The following RIC3 variants were observed in gnomAD, a reference collection of about 807,000 sequenced individuals.
RIC3 encodes protein RIC-3.
In RIC3, 28 loss-of-function variants were observed where a neutral mutation model predicts 27.3. The ratio of observed to expected loss-of-function variants is 1.02; its 90% CI spans 0.76 to 1.41. The LOEUF (loss-of-function observed/expected upper bound fraction) is 1.41. Among genes scored for constraint, RIC3 ranks in the 40% most tolerant of loss-of-function variants. RIC3 has a pLI of 0.00. For synonymous variants in RIC3, 184 were observed against 160.4 expected (o/e 1.15, Z -1.11); for missense variants, 501 against 444.7 (o/e 1.13, Z -1.14).
intron 4 of RIC3, among the ~76,000 whole-genome samples, chr11:8,134,852 T>C (rs549477823): frequency 6.6e-5 from 10 of 152,330 alleles, no homozygotes; most frequent in Admixed American, 6.5e-4. Context: ...TGTTTTTTTC[T>C]TGTAAATTTG....
chr11:8,096,576 TG>T, the RIC3 span: 3 of 760,894 alleles, frequency 3.9e-6, no homozygotes, highest in Non-Finnish European at 7.1e-6. Flanking sequence ...CATAAGTTTG[TG>T]GGGGTACAGG....
downstream of RIC3, chr11:8,105,751 TAAGA>T (rs780391469): frequency 9.2e-5 from 14 of 152,304 alleles, no homozygotes; most frequent in South Asian, 6.2e-4. Flanking sequence ...TTTTCTTTCC[TAAGA>T]AAGACATCAC....
At chr11:8,096,042 G>A in the RIC3 span, among the ~76,000 whole-genome samples, 2 of 152,236 alleles carry the variant, frequency 1.3e-5, no homozygotes, top group African/African-American at 4.8e-5. Flanking sequence ...CCCTGGTGCA[G>A]GGTGGCAGAG....
intron 1 of RIC3, among the ~76,000 whole-genome samples, chr11:8,154,414 G>A (rs1457347615): frequency 6.6e-6 from 1 of 152,190 alleles, no homozygotes; most frequent in African/African-American, 2.4e-5. Flanking sequence ...GCACAACAGT[G>A]TGAATGTACT....
downstream of RIC3, chr11:8,104,934 T>TG (rs973271866): frequency 6.6e-6 from 1 of 151,664 alleles, no homozygotes; most frequent in Non-Finnish European, 1.5e-5. Flanking sequence ...AAGGTTGTTT[T>TG]TTTTTTTTTT....
At chr11:8,165,406 T>C (rs771381950) in intron 1 of RIC3, among the ~76,000 whole-genome samples, 1 of 140,248 alleles carries the variant, frequency 7.1e-6, no homozygotes, top group Non-Finnish European at 1.5e-5. Flanking sequence ...GAAAACATTA[T>C]GCTAGTTAAA....
downstream of RIC3, chr11:8,101,664 T>TTGCC (rs781434649): frequency 1.7e-5 from 27 of 1,604,894 alleles, no homozygotes; most frequent in Admixed American, 1.0e-4. Context: ...GGAGCGGAGC[T>TTGCC]TGCCTGCCTG....
rs1015492288 is a variant in RIC3 at position 8,137,276 on chromosome 11, G to A, written c.521+102C>T. ...TGACCTCAGATGATCCACCCACCTCGGCCTCCCAAAGTGCTGGGATTAGAG... is the reference window on the plus strand; with the variant it reads ...TGACCTCAGATGATCCACCCACCTCAGCCTCCCAAAGTGCTGGGATTAGAG... On this transcript the variant is annotated intron_variant, in intron 4 of 5. Coordinates refer to ENST00000309737, the MANE Select transcript of RIC3 (RefSeq NM_001206671.4). The A allele has an allele frequency of 4.2e-5, 39 of 922,360 alleles. No homozygotes were observed. The Admixed American group carries it at 5.3e-4, about 12-fold the overall frequency. The allele number at this position is 922,360 out of a possible 1,614,324, so 57.1% of individuals were successfully genotyped here.
rs965922107 is a variant in RIC3 at position 8,110,609 on chromosome 11, A to G, written c.*89T>C. Reference sequence around the variant, plus strand: ...GCTATGACACTTGAACACAGTGAAGAAAGTGCAGGGCACAGGGCCAAGAAG... The same window carrying G: ...GCTATGACACTTGAACACAGTGAAGGAAGTGCAGGGCACAGGGCCAAGAAG... On this transcript the variant is annotated 3_prime_UTR_variant, in exon 6 of 6. Coordinates refer to ENST00000309737, the MANE Select transcript of RIC3 (RefSeq NM_001206671.4). The G allele has an allele frequency of 6.1e-6, 7 of 1,154,692 alleles. No individual in the cohort carries two copies. The Admixed American group carries it at 8.4e-5, about 14-fold the overall frequency. The allele number at this position is 1,154,692 out of a possible 1,614,324, so 71.5% of individuals were successfully genotyped here.
intron 4 of RIC3, among the ~76,000 whole-genome samples, chr11:8,128,669 C>A: frequency 6.6e-6 from 1 of 151,874 alleles, no homozygotes; most frequent in Admixed American, 6.6e-5. Context: ...GATTGATCCC[C>A]ATTTCCTCAC....
intron 1 of RIC3, among the ~76,000 whole-genome samples, chr11:8,141,930 G>T (rs1949120930): frequency 6.6e-6 from 1 of 151,830 alleles, no homozygotes; most frequent in African/African-American, 2.4e-5. Flanking sequence ...ATGACTACTG[G>T]ATACATAACG....
At chr11:8,093,440 C>A in the RIC3 span, among the ~76,000 whole-genome samples, 1 of 152,144 alleles carries the variant, frequency 6.6e-6, no homozygotes, top group Non-Finnish European at 1.5e-5. Context: ...AATCAGAAAC[C>A]ATTCAAGGAT....
chr11:8,147,515 A>C (rs1342485551), intron 1 of RIC3, among the ~76,000 whole-genome samples: 1 of 152,194 alleles, frequency 6.6e-6, no homozygotes, highest in East Asian at 1.9e-4. Context: ...CACAAGAGAC[A>C]ACCTTGCAGG....
At chr11:8,098,355 G>C in the RIC3 span, among the ~76,000 whole-genome samples, 1 of 152,134 alleles carries the variant, frequency 6.6e-6, no homozygotes, top group Non-Finnish European at 1.5e-5. Flanking sequence ...TGGAGATGGG[G>C]CTGGACTGAG....
At chr11:8,100,947 G>T in the RIC3 span, 1 of 1,614,164 alleles carries the variant, frequency 6.2e-7, no homozygotes, top group South Asian at 1.1e-5. Context: ...TTCCATGGGC[G>T]CGTCACACAG....
chr11:8,166,159 TTGAG>T (rs887705301), intron 1 of RIC3, among the ~76,000 whole-genome samples: 1 of 152,178 alleles, frequency 6.6e-6, no homozygotes, highest in Non-Finnish European at 1.5e-5. Flanking sequence ...CTGCGCAGAC[TTGAG>T]TAACTGTGAC....
rs1406671429 is a variant in RIC3 at position 8,144,612 on chromosome 11, G to A, written c.125-4419C>T. ...GTAAACTAGTTCAACCATTGTGGAA[G>A]TCAGTGTGGTGATTCCTCAGGGATC... On this transcript the variant is annotated intron_variant, in intron 1 of 5. Coordinates refer to ENST00000309737, the MANE Select transcript of RIC3 (RefSeq NM_001206671.4). Among the ~76,000 whole-genome samples, 3 of 152,130 alleles carry A rather than the reference G, an allele frequency of 2.0e-5. No homozygotes were observed. In the East Asian group the frequency reaches 5.8e-4, roughly 29 times the overall value.
In RIC3 at chr11:8,106,807, AG is replaced by A. The variant is rs1289485066; in HGVS notation, c.*3890del. On this transcript the variant is annotated 3_prime_UTR_variant, in exon 6 of 6. Transcript: ENST00000309737. ...GACCCAGACAAGAGGTTATAACTAAAGGCACCCGGAGACTGCAGAAGGGCCC... is the reference window on the plus strand; with the variant it reads ...GACCCAGACAAGAGGTTATAACTAAAGCACCCGGAGACTGCAGAAGGGCCC... 1.3e-5 allele frequency: 2 copies of A among 152,224 alleles called. No individual in the cohort carries two copies. Among genetic ancestry groups the A allele is most frequent in the East Asian group, 3.8e-4 (2 of 5,198 alleles). The allele number at this position is 152,224 out of a possible 1,614,324, so 9.4% of individuals were successfully genotyped here.
chr11:8,099,690 C>CT, the RIC3 span, among the ~76,000 whole-genome samples: 1 of 152,026 alleles, frequency 6.6e-6, no homozygotes, highest in Admixed American at 6.5e-5. Context: ...TTTATAAACA[C>CT]TAAGAAGAAA....
Sources: gnomAD v4.1 joint callset for allele counts (sites outside exome capture counted in the v4.1 genomes callset) on GRCh38, gnomAD v4.1.1 for gene constraint, MANE v1.5 for transcripts, NCBI Gene and HGNC (gene_info 2026-07-23, HGNC 2026-07-21) for gene names.